Variants in MYOM1 observed in about 807,000 individuals in gnomAD.
MYOM1 encodes myomesin-1.
A neutral mutation model predicts 205.3 loss-of-function variants in MYOM1; 164 were observed. That is an observed-to-expected ratio of 0.80 (90% CI 0.70 to 0.91). The LOEUF (loss-of-function observed/expected upper bound fraction) is 0.91. Among genes scored for constraint, MYOM1 ranks in the 40% least tolerant of loss-of-function variants. The pLI, the probability that MYOM1 is intolerant of heterozygous loss-of-function variation, is 0.00. For missense variants in MYOM1, 2,011 were observed against 2,127.3 expected (o/e 0.95, Z 1.08); for synonymous variants, 772 against 789.4 (o/e 0.98, Z 0.37).
intron 29 of MYOM1, among the ~76,000 whole-genome samples, chr18:3,088,809 T>C (rs1473293533): frequency 1.3e-5 from 2 of 152,204 alleles, no homozygotes; most frequent in East Asian, 1.9e-4. Context: ...ACAATTTACA[T>C]GGCAAGGTCC....
chr18:3,100,273 A>G (rs766500960), intron 24 of MYOM1, 47 bp downstream of exon 24: 15 of 1,612,222 alleles, frequency 9.3e-6, no homozygotes, highest in Non-Finnish European at 9.3e-6. Context: ...AATAACTGAG[A>G]ATTCAAAGCA....
intron 11 of MYOM1, 145 bp downstream of exon 11, chr18:3,154,798 GAAAA>G: frequency 1.1e-6 from 1 of 875,146 alleles, no homozygotes; most frequent in Non-Finnish European, 1.7e-6. Context: ...GACAAATAGA[GAAAA>G]AGAAAGATGA....
intron 19 of MYOM1, among the ~76,000 whole-genome samples, chr18:3,124,080 C>T (rs995811141): frequency 6.6e-6 from 1 of 151,274 alleles, no homozygotes; most frequent in Admixed American, 6.6e-5. Flanking sequence ...CAAGTGATCC[C>T]CCCACCTCGG....
intron 2 of MYOM1, among the ~76,000 whole-genome samples, chr18:3,201,602 T>G (rs2081069032): frequency 6.6e-6 from 1 of 151,842 alleles, no homozygotes; most frequent in Non-Finnish European, 1.5e-5. Flanking sequence ...GTATATAAGC[T>G]TATACACATA....
intron 27 of MYOM1, among the ~76,000 whole-genome samples, chr18:3,090,313 G>A (rs924598838): frequency 1.3e-5 from 2 of 148,334 alleles, no homozygotes; most frequent in Non-Finnish European, 3.0e-5. Flanking sequence ...TCTGCTTCCC[G>A]GGTTCAAATG....
At chr18:3,147,117 T>TAATATATATTATAG (rs1567933066) in intron 13 of MYOM1, among the ~76,000 whole-genome samples, 1 of 140,078 alleles carries the variant, frequency 7.1e-6, no homozygotes, top group Non-Finnish European at 1.6e-5. Context: ...TATATTTATA[T>TAATATATATTATAG]ATAAATATTA....
At chr18:3,207,381 T>C (rs1211671413) in intron 2 of MYOM1, among the ~76,000 whole-genome samples, 2 of 152,236 alleles carry the variant, frequency 1.3e-5, no homozygotes, top group East Asian at 1.9e-4. Flanking sequence ...ATAAAGACAC[T>C]TGACAATAGT....
intron 2 of MYOM1, among the ~76,000 whole-genome samples, chr18:3,213,339 G>T (rs976655): frequency 0.23 from 35,307 of 152,056 alleles, 4,088 homozygotes; most frequent in Non-Finnish European, 0.25. Context: ...CAGGTACTTT[G>T]GAGAAGAGGA....
chr18:3,082,709 A>G (rs2079098326), intron 33 of MYOM1, among the ~76,000 whole-genome samples: 1 of 152,126 alleles, frequency 6.6e-6, no homozygotes, highest in South Asian at 2.1e-4. Context: ...GGAAACACAG[A>G]GGTTAAGGAC....
At chr18:3,224,664 T>C (rs1204662965), upstream of MYOM1, among the ~76,000 whole-genome samples, 2 of 151,954 alleles carry the variant, frequency 1.3e-5, no homozygotes, top group Non-Finnish European at 2.9e-5. Context: ...GAATTATCAT[T>C]ATTATTATTA....
At chr18:3,197,369 C>T (rs1165573658) in intron 2 of MYOM1, among the ~76,000 whole-genome samples, 1 of 151,996 alleles carries the variant, frequency 6.6e-6, no homozygotes, top group South Asian at 2.1e-4. Flanking sequence ...AACTCCTGAT[C>T]TCAGGTGATC....
chr18:3,154,179 T>C (rs2080259357), intron 11 of MYOM1, among the ~76,000 whole-genome samples: 1 of 152,092 alleles, frequency 6.6e-6, no homozygotes, highest in Admixed American at 6.5e-5. Flanking sequence ...TTCCAATGAT[T>C]TCATTTCCAA....
In MYOM1 at chr18:3,176,049, T is replaced by C; in HGVS notation, c.1015A>G (p.Ile339Val). The change falls in exon 6 of 38, where the codon ATT (isoleucine) becomes GTT (valine). Residue 339 changes from isoleucine (I) to valine (V), a missense_variant. Ile to Val is a conservative substitution (Grantham distance 29, BLOSUM62 3). Transcript: ENST00000356443. ...ESRYGMHTLEINGCDFEDTAQ... is the reference protein window; with the variant it reads ...ESRYGMHTLEVNGCDFEDTAQ... ...ACACTAATGTTCTCTTACCCATTAA[T>C]CTCCAGAGTGTGCATCCCATATCGA... The C allele has an allele frequency of 6.3e-7, 1 of 1,581,648 alleles. No individual in the cohort carries two copies. Among genetic ancestry groups the C allele is most frequent in the Non-Finnish European group, 8.7e-7 (1 of 1,150,520 alleles).
rs534987723 is a variant in MYOM1 at position 3,076,948 on chromosome 18, G to A, written c.4649-1187C>T. 4.0e-5 allele frequency among the ~76,000 whole-genome samples: 6 copies of A among 151,368 alleles called. No individual in the cohort carries two copies. The East Asian group carries it at 5.8e-4, about 15-fold the overall frequency. ...AGGATGGTCTCGATCTCCCGACCTC[G>A]TGATCCACCCGCTTTGGCCTCCCAA... is the stretch of plus-strand genomic sequence containing the variant. On this transcript the variant is annotated intron_variant, in intron 34 of 37. Coordinates refer to ENST00000356443, the MANE Select transcript of MYOM1 (RefSeq NM_003803.4).
chr18:3,148,585 C>A (rs1290477782), intron 13 of MYOM1, among the ~76,000 whole-genome samples: 1 of 151,902 alleles, frequency 6.6e-6, no homozygotes, highest in Non-Finnish European at 1.5e-5. Context: ...CGGTGGCTCA[C>A]GTCTGTCATC....
chr18:3,215,381 G>A, intron 1 of MYOM1, 130 bp from the exon 2 acceptor site: 1 of 758,004 alleles, frequency 1.3e-6, no homozygotes, highest in Non-Finnish European at 2.1e-6. Flanking sequence ...ATCCCAACGA[G>A]GATCTCTCGA....
At chr18:3,071,810 G>T in intron 37 of MYOM1, 24 bp downstream of exon 37, 1 of 1,586,216 alleles carries the variant, frequency 6.3e-7, no homozygotes, top group East Asian at 2.3e-5. Context: ...AGAAGGAGCA[G>T]GCACAGGCAG....
intron 16 of MYOM1, among the ~76,000 whole-genome samples, chr18:3,134,044 G>C (rs941810641): frequency 6.6e-6 from 1 of 152,020 alleles, no homozygotes; most frequent in Non-Finnish European, 1.5e-5. Context: ...ATTTTTTGTA[G>C]AGGCAGGTTT....
chr18:3,234,009 C>T, the MYOM1 span, among the ~76,000 whole-genome samples: 1 of 152,004 alleles, frequency 6.6e-6, no homozygotes, highest in Non-Finnish European at 1.5e-5. Context: ...CACATTCCTA[C>T]CTTTTCCTCT....
Sources: gnomAD v4.1 joint callset for allele counts (sites outside exome capture counted in the v4.1 genomes callset) on GRCh38, gnomAD v4.1.1 for gene constraint, MANE v1.5 for transcripts, NCBI Gene and HGNC (gene_info 2026-07-23, HGNC 2026-07-21) for gene names.